Variants in STXBP4 observed in about 807,000 individuals in gnomAD.
The protein encoded by STXBP4 is syntaxin-binding protein 4.
A neutral mutation model predicts 76.1 loss-of-function variants in STXBP4; 55 were observed. The ratio of observed to expected loss-of-function variants is 0.72; its 90% CI spans 0.58 to 0.91. The LOEUF (loss-of-function observed/expected upper bound fraction) is 0.91. STXBP4 is among the 40% of genes least tolerant of loss of function. STXBP4 has a pLI of 0.00. For synonymous variants in STXBP4, 201 were observed against 220.2 expected (o/e 0.91, Z 0.77); for missense variants, 618 against 636.9 (o/e 0.97, Z 0.32).
At chr17:55,056,126 A>G (rs1377867925) in intron 12 of STXBP4, among the ~76,000 whole-genome samples, 1 of 152,218 alleles carries the variant, frequency 6.6e-6, no homozygotes, top group East Asian at 1.9e-4. Context: ...AAGCCACAAT[A>G]TATTGCTATA....
At chr17:55,125,338 A>C (rs977901173) in intron 16 of STXBP4, among the ~76,000 whole-genome samples, 1 of 152,146 alleles carries the variant, frequency 6.6e-6, no homozygotes, top group Admixed American at 6.5e-5. Flanking sequence ...AATTTGTAAC[A>C]TGAGACAATT....
At chr17:55,000,180 G>A in intron 6 of STXBP4, 2 of 983,216 alleles carry the variant, frequency 2.0e-6, no homozygotes, top group Non-Finnish European at 2.4e-6. Flanking sequence ...TTCTCTGCTT[G>A]ACTGAAGTGA....
intron 16 of STXBP4, among the ~76,000 whole-genome samples, chr17:55,114,256 C>G (rs2079756791): frequency 6.6e-6 from 1 of 152,036 alleles, no homozygotes; most frequent in African/African-American, 2.4e-5. Flanking sequence ...CTCCTGGAAA[C>G]TGAACTAATA....
intron 8 of STXBP4, among the ~76,000 whole-genome samples, chr17:55,022,946 A>G (rs559740129): frequency 6.6e-6 from 1 of 152,304 alleles, no homozygotes; most frequent in African/African-American, 2.4e-5. Flanking sequence ...TAGGAAAGTG[A>G]CCAATGTGTG....
chr17:55,095,024 A>ACC (rs2079466476), intron 16 of STXBP4, among the ~76,000 whole-genome samples: 2 of 152,214 alleles, frequency 1.3e-5, no homozygotes, highest in Non-Finnish European at 2.9e-5. Context: ...AGGCACAGCT[A>ACC]GACAAGCAAG....
rs756459709 is a variant in STXBP4, at chr17:55,000,895, T to C, written c.574+12T>C. 12 of 1,517,712 alleles carry C rather than the reference T, an allele frequency of 7.9e-6. 1 individual carries two copies. Among genetic ancestry groups the C allele is most frequent in the South Asian group, 6.9e-5 (6 of 86,968 alleles). 94.0% of individuals were successfully genotyped at this position (1,517,712 alleles called of 1,614,324 possible). ...TTTGTCTAATACAGGTAAATACACA[T>C]TTAATTTCTATTTCCTGTTTTTTAT... On this transcript the variant is annotated intron_variant, in intron 7 of 17. Transcript: ENST00000376352.
Position 55,167,002 on chromosome 17 carries a change from A to G in STXBP4, c.*7091A>G, listed in dbSNP as rs546770630. ...AGGTGGGAAGGAAATGGGAAAACAG[A>G]ATACTGGCCAGGATGGTCTGTTGTT... is the stretch of plus-strand genomic sequence containing the variant. On this transcript the variant is annotated 3_prime_UTR_variant, in exon 18 of 18. Coordinates refer to ENST00000376352, the MANE Select transcript of STXBP4 (RefSeq NM_178509.6). 5 of 152,342 alleles carry G rather than the reference A, an allele frequency of 3.3e-5. No homozygotes were observed. In the East Asian group the frequency reaches 7.7e-4, roughly 24 times the overall value. 9.4% of individuals were successfully genotyped at this position (152,342 alleles called of 1,614,324 possible).
At chr17:55,199,938 G>T in the STXBP4 span, among the ~76,000 whole-genome samples, 1 of 152,160 alleles carries the variant, frequency 6.6e-6, no homozygotes, top group African/African-American at 2.4e-5. Context: ...CGCATGCCCT[G>T]AATACTTCCC....
intron 10 of STXBP4, among the ~76,000 whole-genome samples, chr17:55,041,259 T>C (rs1007603517): frequency 2.0e-5 from 3 of 146,730 alleles, no homozygotes; most frequent in Non-Finnish European, 4.5e-5. Context: ...TGAGACATGG[T>C]CTCACCCTGC....
chr17:54,998,117 A>G (rs1395899782), intron 4 of STXBP4, among the ~76,000 whole-genome samples: 2 of 152,202 alleles, frequency 1.3e-5, no homozygotes, highest in East Asian at 1.9e-4. Flanking sequence ...TTAAAAAATA[A>G]TAATACCTGT....
chr17:55,177,916 C>A (rs1265077444), downstream of STXBP4, among the ~76,000 whole-genome samples: 2 of 152,218 alleles, frequency 1.3e-5, no homozygotes, highest in Non-Finnish European at 2.9e-5. Context: ...CTGTTCCACT[C>A]CCTAAATTAT....
At chr17:55,070,641 GTCT>G (rs2144862915) in intron 12 of STXBP4, among the ~76,000 whole-genome samples, 1 of 152,146 alleles carries the variant, frequency 6.6e-6, no homozygotes, top group African/African-American at 2.4e-5. Flanking sequence ...AAGCCTTCAA[GTCT>G]TCTTCAGACT....
chr17:55,127,345 A>C (rs956860605), intron 16 of STXBP4, among the ~76,000 whole-genome samples: 1 of 152,190 alleles, frequency 6.6e-6, no homozygotes, highest in Admixed American at 6.5e-5. Flanking sequence ...CCAGTCACCA[A>C]TTGATGGATC....
At chr17:55,007,924 C>T (rs762827870) in intron 8 of STXBP4, among the ~76,000 whole-genome samples, 6 of 152,048 alleles carry the variant, frequency 3.9e-5, no homozygotes, top group Admixed American at 1.3e-4. Context: ...GCAAAGTAGA[C>T]GAGGCTTCAT....
At chr17:54,996,861 A>G (rs976799772) in intron 4 of STXBP4, among the ~76,000 whole-genome samples, 1 of 152,244 alleles carries the variant, frequency 6.6e-6, no homozygotes, top group African/African-American at 2.4e-5. Flanking sequence ...TATTTAGAAA[A>G]CTATATACCA....
chr17:54,971,424 A>G (rs994843669), intron 1 of STXBP4, among the ~76,000 whole-genome samples: 2 of 152,182 alleles, frequency 1.3e-5, no homozygotes, highest in African/African-American at 4.8e-5. Flanking sequence ...GACATCTACC[A>G]TCTTGCTGTG....
chr17:55,080,137 T>C (rs1321730621), intron 15 of STXBP4, among the ~76,000 whole-genome samples: 2 of 152,192 alleles, frequency 1.3e-5, no homozygotes, highest in African/African-American at 4.8e-5. Context: ...AAATTAAGGT[T>C]AAAATGACTA....
chr17:54,972,940 CA>C (rs1256187814), intron 1 of STXBP4, among the ~76,000 whole-genome samples: 1 of 152,122 alleles, frequency 6.6e-6, no homozygotes, highest in African/African-American at 2.4e-5. Context: ...TATGTCAGCC[CA>C]AAGCTGAGTA....
chr17:55,158,260 C>T (rs2080302564), intron 17 of STXBP4, among the ~76,000 whole-genome samples: 1 of 152,160 alleles, frequency 6.6e-6, no homozygotes, highest in African/African-American at 2.4e-5. Flanking sequence ...ATTTAAAACT[C>T]TCGGGAACAT....
Sources: allele counts gnomAD v4.1 joint callset (sites outside exome capture counted in the v4.1 genomes callset), GRCh38; gene constraint gnomAD v4.1.1; transcripts MANE v1.5; gene names NCBI Gene and HGNC (gene_info 2026-07-23, HGNC 2026-07-21).